Variants in FIP1L1 observed in about 807,000 individuals in gnomAD.
FIP1L1 encodes the protein pre-mRNA 3'-end-processing factor FIP1.
In FIP1L1, 21 loss-of-function variants were observed where a neutral mutation model predicts 84.6. That is an observed-to-expected ratio of 0.25 (90% CI 0.18 to 0.36). The LOEUF is 0.36. FIP1L1 is among the 10% of genes least tolerant of loss of function. The pLI, the probability that FIP1L1 is intolerant of heterozygous loss-of-function variation, is 1.00. For missense variants in FIP1L1, 526 were observed against 751.1 expected (o/e 0.70, Z 3.50); for synonymous variants, 263 against 242.3 (o/e 1.09, Z -0.80).
At chr4:53,401,065 G>C (rs965045546) in intron 10 of FIP1L1, among the ~76,000 whole-genome samples, 6 of 152,118 alleles carry the variant, frequency 3.9e-5, no homozygotes, top group African/African-American at 1.4e-4. Context: ...CTAATCTTAT[G>C]CCTTGATTTC....
At chr4:53,410,863 T>C (rs957626608) in intron 10 of FIP1L1, among the ~76,000 whole-genome samples, 4 of 152,202 alleles carry the variant, frequency 2.6e-5, no homozygotes, top group Non-Finnish European at 5.9e-5. Context: ...ATAGAAAAAA[T>C]CATTGTACAT....
intron 4 of FIP1L1, among the ~76,000 whole-genome samples, chr4:53,383,152 G>T (rs1331039666): frequency 6.6e-6 from 1 of 151,238 alleles, no homozygotes; most frequent in African/African-American, 2.4e-5. Context: ...TATCTTGTAG[G>T]TATCTTAGTA....
At chr4:53,398,153 T>C (rs1748399696) in intron 9 of FIP1L1, among the ~76,000 whole-genome samples, 1 of 152,198 alleles carries the variant, frequency 6.6e-6, no homozygotes, top group Non-Finnish European at 1.5e-5. Flanking sequence ...TATCAGCTTC[T>C]GGTACATAAT....
intron 9 of FIP1L1, among the ~76,000 whole-genome samples, chr4:53,393,538 A>G (rs1430599900): frequency 1.3e-5 from 2 of 151,462 alleles, no homozygotes; most frequent in Non-Finnish European, 2.9e-5. Context: ...TTCAATATGA[A>G]TAAAGTTTTT....
chr4:53,459,287 T>TTC lies in FIP1L1; in HGVS notation c.1638-14_1638-13insCT, dbSNP rs1385442016. 6.9e-7 allele frequency: 1 copy of TTC among 1,450,776 alleles called. No individual in the cohort carries two copies. Among genetic ancestry groups the TTC allele is most frequent in the Non-Finnish European group, 9.1e-7 (1 of 1,095,088 alleles). 89.9% of individuals were successfully genotyped at this position (1,450,776 alleles called of 1,614,324 possible). On this transcript the variant is annotated splice_polypyrimidine_tract_variant and intron_variant, in intron 17 of 17. Coordinates refer to ENST00000337488, the MANE Select transcript of FIP1L1 (RefSeq NM_030917.4). ...TTAAACAGAACACACCTTTTTTTTT[T>TTC]TTTTTTTTTTCCAGTAATAGTAGAC... is the stretch of plus-strand genomic sequence containing the variant.
intron 3 of FIP1L1, 111 bp downstream of exon 3, chr4:53,379,375 T>TA (rs1736568930): frequency 4.3e-6 from 4 of 920,432 alleles, no homozygotes; most frequent in East Asian, 2.4e-5. Context: ...AACACTGACT[T>TA]ACAACATTTT....
chr4:53,418,238 T>C (rs1760694803), intron 11 of FIP1L1, among the ~76,000 whole-genome samples: 1 of 152,186 alleles, frequency 6.6e-6, no homozygotes, highest in African/African-American at 2.4e-5. Context: ...GCTGTGATCG[T>C]GCCACTGCAT....
chr4:53,438,758 C>G (rs7681753), intron 13 of FIP1L1, among the ~76,000 whole-genome samples: 6,680 of 152,122 alleles, frequency 0.044, 335 homozygotes, highest in African/African-American at 0.13. Context: ...GGTCATATGT[C>G]TTTTATCTCT....
Position 53,442,698 on chromosome 4 carries a change from C to A in FIP1L1, c.1220C>A (p.Thr407Lys). The A allele has an allele frequency of 6.3e-7, 1 of 1,595,368 alleles. No individual in the cohort carries two copies. Among genetic ancestry groups the A allele is most frequent in the Non-Finnish European group, 8.6e-7 (1 of 1,163,592 alleles). ...PGAPPPSLIP[T>K]IESGHSSGYD... Reference sequence around the variant, plus strand: ...GCTCCACCTCCATCTCTTATACCAACAATAGAAAGGTAAATCAGTATGGAT... The same window carrying A: ...GCTCCACCTCCATCTCTTATACCAAAAATAGAAAGGTAAATCAGTATGGAT... The change falls in exon 14 of 18, where the codon ACA becomes AAA. Residue 407 changes from threonine to lysine, a missense_variant. Transcript: ENST00000337488.
rs147126295 is a variant in FIP1L1 at position 53,411,633 on chromosome 4, A to C, written c.816-2982A>C. On this transcript the variant is annotated intron_variant, in intron 10 of 17. Transcript: ENST00000337488. Reference sequence around the variant, plus strand: ...ATGTTTAAGACTAATGAGCTGTGCTACTGACCTAAGCACTGTATTTCCATT... The same window carrying C: ...ATGTTTAAGACTAATGAGCTGTGCTCCTGACCTAAGCACTGTATTTCCATT... 1.5e-3 allele frequency among the ~76,000 whole-genome samples: 222 copies of C among 152,312 alleles called. 5 individuals are homozygous for C. In the East Asian group the frequency reaches 0.037, roughly 26 times the overall value.
intron 13 of FIP1L1, among the ~76,000 whole-genome samples, chr4:53,439,217 T>G (rs1224135002): frequency 6.6e-6 from 1 of 152,130 alleles, no homozygotes; most frequent in African/African-American, 2.4e-5. Context: ...TCTTTTAGTT[T>G]AGTAATTTGG....
chr4:53,433,697 A>G lies in FIP1L1; in HGVS notation c.1174+5514A>G, dbSNP rs112078997. On this transcript the variant is annotated intron_variant, in intron 13 of 17. Transcript: ENST00000337488. ...GAAGAAGGGTCTTTGCTTTACTGAG[A>G]TATAGCCCAACTACTGTGGACCACA... 7.2e-3 allele frequency among the ~76,000 whole-genome samples: 1,091 copies of G among 152,262 alleles called. 9 individuals carry two copies. Among genetic ancestry groups the G allele is most frequent in the Non-Finnish European group, 0.01 (691 of 68,014 alleles).
intron 1 of FIP1L1, 96 bp downstream of exon 1, chr4:53,378,019 C>T (rs1735495061): frequency 1.8e-6 from 2 of 1,139,622 alleles, no homozygotes; most frequent in Non-Finnish European, 2.4e-6. Flanking sequence ...GCCGCCGCTT[C>T]GGGCCTCTGG....
At chr4:53,377,998 T>C (rs1735468210) in intron 1 of FIP1L1, 75 bp downstream of exon 1, 1 of 1,298,932 alleles carries the variant, frequency 7.7e-7, no homozygotes, top group Non-Finnish European at 1.0e-6. Flanking sequence ...CCGGCGTCCC[T>C]GGCCTCTCGC....
intron 5 of FIP1L1, among the ~76,000 whole-genome samples, chr4:53,385,563 A>C (rs1440436002): frequency 6.6e-6 from 1 of 152,150 alleles, no homozygotes; most frequent in Non-Finnish European, 1.5e-5. Flanking sequence ...TGCCTTAAAT[A>C]CAGTTAAGTG....
intron 11 of FIP1L1, among the ~76,000 whole-genome samples, chr4:53,420,175 A>C (rs1761630879): frequency 8.1e-6 from 1 of 123,430 alleles, no homozygotes; most frequent in Admixed American, 9.7e-5. Context: ...TCCAGCCTGG[A>C]CGACAGAGGA....
chr4:53,439,832 A>G (rs1218924862), intron 13 of FIP1L1, among the ~76,000 whole-genome samples: 1 of 152,030 alleles, frequency 6.6e-6, no homozygotes, highest in African/African-American at 2.4e-5. Context: ...TTTAGTATTT[A>G]GTAAATACAT....
chr4:53,405,690 G>C (rs1482602346), intron 10 of FIP1L1, among the ~76,000 whole-genome samples: 1 of 141,244 alleles, frequency 7.1e-6, no homozygotes, highest in Non-Finnish European at 1.5e-5. Context: ...TCCTTGAGCA[G>C]TGGTTTGTAG....
chr4:53,419,935 G>A (rs1255465110), intron 11 of FIP1L1, among the ~76,000 whole-genome samples: 5 of 151,962 alleles, frequency 3.3e-5, no homozygotes, highest in African/African-American at 4.8e-5. Flanking sequence ...CAGGCCAGGC[G>A]CGGTGGCTCA....
Sources: gnomAD v4.1 joint callset for allele counts (sites outside exome capture counted in the v4.1 genomes callset) on GRCh38, gnomAD v4.1.1 for gene constraint, MANE v1.5 for transcripts, NCBI Gene and HGNC (gene_info 2026-07-23, HGNC 2026-07-21) for gene names.